DNM3: variants seen among roughly 807,000 people sequenced by gnomAD.
DNM3 encodes dynamin-3.
Under a neutral mutation model 101.6 loss-of-function variants are expected in DNM3, and 47 were observed. The ratio of observed to expected loss-of-function variants is 0.46; its 90% CI spans 0.37 to 0.59. DNM3 has a LOEUF of 0.59. Ranked by LOEUF, DNM3 falls within the 20% of genes least tolerant of loss-of-function variation. The pLI, the probability that DNM3 is intolerant of heterozygous loss-of-function variation, is 0.00. For synonymous variants in DNM3, 385 were observed against 387.9 expected, an observed-to-expected ratio of 0.99 and a Z score of 0.09; for missense variants, 849 against 1,085.7, an observed-to-expected ratio of 0.78 and a Z score of 3.06.
intron 20 of DNM3, among the ~76,000 whole-genome samples, chr1:172,390,810 G>A (rs2069482670): frequency 6.6e-6 from 1 of 152,198 alleles, no homozygotes; most frequent in South Asian, 2.1e-4. Context: ...GGGAAGGCTG[G>A]AGTGCCATGC....
chr1:172,241,706 T>A (rs1430946511), intron 14 of DNM3, among the ~76,000 whole-genome samples: 1 of 152,124 alleles, frequency 6.6e-6, no homozygotes, highest in African/African-American at 2.4e-5. Context: ...AGGAAGCCAC[T>A]GTTCCACTGT....
chr1:172,413,204 C>T (rs757338426), downstream of DNM3, among the ~76,000 whole-genome samples: 4 of 152,132 alleles, frequency 2.6e-5, no homozygotes, highest in Non-Finnish European at 5.9e-5. Flanking sequence ...GGACAATTTG[C>T]CCCTTTCAGT....
chr1:172,412,478 A>C lies in DNM3; in HGVS notation c.*4637A>C. The C allele has an allele frequency of 1.0e-6, 1 of 985,824 alleles. No individual in the cohort carries two copies. Among genetic ancestry groups the C allele is most frequent in the Non-Finnish European group, 1.2e-6 (1 of 829,912 alleles). 61.1% of individuals were successfully genotyped at this position (985,824 alleles called of 1,614,324 possible). ...ATTTTTCTTTTGCTTTGTTTGAAGA[A>C]GGAATATACAGAAGTAAAATCTTGT... is the stretch of plus-strand genomic sequence containing the variant. On this transcript the variant is annotated 3_prime_UTR_variant, in exon 21 of 21. Transcript: ENST00000627582.
intron 2 of DNM3, among the ~76,000 whole-genome samples, chr1:171,933,316 C>T (rs1359969382): frequency 6.6e-6 from 1 of 152,166 alleles, no homozygotes; most frequent in Non-Finnish European, 1.5e-5. Context: ...CTTGTGCCTT[C>T]AGATCTTAAT....
chr1:172,021,206 C>T (rs753881019), intron 4 of DNM3, among the ~76,000 whole-genome samples: 1 of 152,222 alleles, frequency 6.6e-6, no homozygotes, highest in Admixed American at 6.5e-5. Context: ...CACAGTGGCT[C>T]ATGCCTGTAA....
chr1:172,153,910 A>T (rs1435035086), intron 14 of DNM3, among the ~76,000 whole-genome samples: 1 of 152,118 alleles, frequency 6.6e-6, no homozygotes, highest in Non-Finnish European at 1.5e-5. Context: ...TTACAGATTG[A>T]TCATATTTTT....
exon 21 of DNM3, chr1:172,418,428 C>T (rs1467245163): frequency 2.2e-6 from 2 of 911,408 alleles, no homozygotes; most frequent in Admixed American, 4.4e-5. Context: ...ATTTTTCATC[C>T]ATGTGTATAA....
intron 14 of DNM3, among the ~76,000 whole-genome samples, chr1:172,165,731 GT>G (rs1302422503): frequency 6.6e-6 from 1 of 151,948 alleles, no homozygotes; most frequent in Non-Finnish European, 1.5e-5. Context: ...TGTGACAAAT[GT>G]TGCATAGAAA....
At chr1:172,127,064 C>T (rs140649077) in intron 13 of DNM3, among the ~76,000 whole-genome samples, 7 of 152,128 alleles carry the variant, frequency 4.6e-5, no homozygotes, top group African/African-American at 1.7e-4. Flanking sequence ...TCTAGTTGTA[C>T]CCACTCTCAC....
chr1:172,078,291 A>G (rs1558533667), intron 11 of DNM3, among the ~76,000 whole-genome samples: 1 of 152,058 alleles, frequency 6.6e-6, no homozygotes, highest in Non-Finnish European at 1.5e-5. Context: ...ATAGGGTTTC[A>G]TCATATTAGC....
chr1:172,387,774 A>T (rs945949457), intron 19 of DNM3, among the ~76,000 whole-genome samples: 9 of 152,106 alleles, frequency 5.9e-5, no homozygotes, highest in African/African-American at 1.7e-4. Context: ...AAAGGGGAAA[A>T]GATATTTACA....
chr1:172,056,574 C>T (rs895309358), intron 10 of DNM3, among the ~76,000 whole-genome samples: 4 of 152,284 alleles, frequency 2.6e-5, no homozygotes, highest in African/African-American at 9.6e-5. Context: ...CACCCCCAAG[C>T]AGGGGCACAC....
chr1:172,234,732 G>A (rs2061471671), intron 14 of DNM3, among the ~76,000 whole-genome samples: 1 of 152,018 alleles, frequency 6.6e-6, no homozygotes, highest in Admixed American at 6.6e-5. Context: ...TAATGCCACA[G>A]ATCTACACCG....
intron 1 of DNM3, among the ~76,000 whole-genome samples, chr1:171,910,167 A>G (rs867170742): frequency 6.6e-6 from 1 of 152,230 alleles, no homozygotes; most frequent in African/African-American, 2.4e-5. Flanking sequence ...GTAAGTGTTT[A>G]TGTTGATATA....
intron 1 of DNM3, among the ~76,000 whole-genome samples, chr1:171,871,573 C>T (rs1021140642): frequency 5.1e-4 from 77 of 152,134 alleles, no homozygotes; most frequent in African/African-American, 1.8e-3. Context: ...CTATGAACAC[C>T]GTGAAACATC....
At chr1:172,327,446 C>T (rs372515422) in intron 17 of DNM3, among the ~76,000 whole-genome samples, 2 of 152,076 alleles carry the variant, frequency 1.3e-5, no homozygotes, top group African/African-American at 2.4e-5. Context: ...TGTCCTTGGT[C>T]GTATGTGAGA....
chr1:171,893,480 G>A (rs1031077402), intron 1 of DNM3, among the ~76,000 whole-genome samples: 1 of 151,488 alleles, frequency 6.6e-6, no homozygotes, highest in African/African-American at 2.4e-5. Context: ...TTGAGACAGG[G>A]TCTCACTCTT....
At chr1:172,232,138 A>G (rs183739826) in intron 14 of DNM3, among the ~76,000 whole-genome samples, 144 of 152,338 alleles carry the variant, frequency 9.5e-4, no homozygotes, top group African/African-American at 3.4e-3. Flanking sequence ...CTGTATCAGG[A>G]AACCCATCTC....
At chr1:172,285,610 AGG>A (rs1173964984) in intron 15 of DNM3, among the ~76,000 whole-genome samples, 1 of 152,232 alleles carries the variant, frequency 6.6e-6, no homozygotes, top group Non-Finnish European at 1.5e-5. Flanking sequence ...CATGTAATAA[AGG>A]CTCATATAAA....
Sources: gnomAD v4.1 joint callset for allele counts (sites outside exome capture counted in the v4.1 genomes callset) on GRCh38, gnomAD v4.1.1 for gene constraint, MANE v1.5 for transcripts, NCBI Gene and HGNC (gene_info 2026-07-23, HGNC 2026-07-21) for gene names.